The following MPPED2 variants were observed in gnomAD, a reference collection of about 807,000 sequenced individuals.
MPPED2 encodes metallophosphoesterase domain containing 2.
In MPPED2, 5 loss-of-function variants were observed where a neutral mutation model predicts 33.0. The ratio of observed to expected loss-of-function variants is 0.15; its 90% CI spans 0.08 to 0.32. The LOEUF is 0.32. MPPED2 is among the 10% of genes least tolerant of loss of function. The probability of loss-of-function intolerance (pLI) is 1.00; values close to 1 mark genes in which losing one functional copy is unlikely to be tolerated. For synonymous variants in MPPED2, 136 were observed against 141.9 expected, an observed-to-expected ratio of 0.96 and a Z score of 0.29; for missense variants, 275 against 372.1, an observed-to-expected ratio of 0.74 and a Z score of 2.15.
chr11:30,533,286 G>T (rs2134462454), intron 3 of MPPED2, among the ~76,000 whole-genome samples: 1 of 152,258 alleles, frequency 6.6e-6, no homozygotes. Flanking sequence ...GGTATAGAGG[G>T]AGTGCCTGGC....
chr11:30,426,871 C>T (rs982213375), intron 4 of MPPED2, among the ~76,000 whole-genome samples: 11 of 152,116 alleles, frequency 7.2e-5, no homozygotes, highest in Admixed American at 1.3e-4. Flanking sequence ...GAGGTCCTTC[C>T]GTTTCCTCCT....
In MPPED2 at chr11:30,535,910, G is replaced by C. The variant is rs1954784190; in HGVS notation, c.310+84C>G. The C allele has an allele frequency of 1.3e-5, 16 of 1,199,012 alleles. 1 individual carries two copies. The South Asian group carries it at 2.7e-4, about 20-fold the overall frequency. 74.3% of individuals were successfully genotyped at this position (1,199,012 alleles called of 1,614,324 possible). The stretch of plus-strand genomic sequence containing the variant: ...GAGAAATGGCTGAGCTGGCTTCCAA[G>C]TGCTCTAATTCAATTAGGACGCAGT... On this transcript the variant is annotated intron_variant, in intron 3 of 6. Coordinates refer to ENST00000358117, the MANE Select transcript of MPPED2 (RefSeq NM_001584.3).
At chr11:30,545,955 G>A in intron 2 of MPPED2, among the ~76,000 whole-genome samples, 1 of 152,122 alleles carries the variant, frequency 6.6e-6, no homozygotes, top group Admixed American at 6.5e-5. Flanking sequence ...CACCTCCCAG[G>A]TTCAAGCTAT....
chr11:30,557,225 A>AATATATATATT (rs1005444578), intron 2 of MPPED2, among the ~76,000 whole-genome samples: 1 of 141,702 alleles, frequency 7.1e-6, no homozygotes, highest in African/African-American at 3.1e-5. Context: ...ATATATATAT[A>AATATATATATT]ATATATATAT....
At chr11:30,545,253 A>G (rs1348542354) in intron 2 of MPPED2, among the ~76,000 whole-genome samples, 1 of 152,180 alleles carries the variant, frequency 6.6e-6, no homozygotes, top group African/African-American at 2.4e-5. Context: ...ATTCTTGAGG[A>G]AAGGTTGGTT....
In MPPED2 at chr11:30,411,483, G is replaced by A. The variant is rs1948098749; in HGVS notation, c.870C>T (p.Asn290=). The change falls in exon 7 of 7, where the codon AAC becomes AAT. Residue 290 remains asparagine (N), a synonymous_variant. Transcript: ENST00000358117. ...ATTTAGAGCTTCAGGAACCCTGTGG[G>A]TTTGGAAGGTCAAATATAATTGGAG... ...TNPPIIFDLP[N]PQGS 1.2e-6 allele frequency: 2 copies of A among 1,613,586 alleles called. No homozygotes were observed. The highest frequency in any genetic ancestry group is 1.7e-6 in the Non-Finnish European group (2 of 1,179,580).
rs1255679986 is a variant in MPPED2 at position 30,521,848 on chromosome 11, T to A, written c.310+14146A>T. On this transcript the variant is annotated intron_variant, in intron 3 of 6. Coordinates refer to ENST00000358117, the MANE Select transcript of MPPED2 (RefSeq NM_001584.3). ...ATAGATACTGCCCCTTGGAGCTCTG[T>A]GACCCAGAGCATGGTGACCTCTCTG... 2.0e-5 allele frequency among the ~76,000 whole-genome samples: 3 copies of A among 152,190 alleles called. No homozygotes were observed. The East Asian group carries it at 5.8e-4, about 29-fold the overall frequency.
chr11:30,539,319 A>G (rs1332526792), intron 2 of MPPED2, among the ~76,000 whole-genome samples: 2 of 152,158 alleles, frequency 1.3e-5, no homozygotes, highest in African/African-American at 4.8e-5. Flanking sequence ...ATGACCTAAC[A>G]TTTCCCCTAA....
intron 4 of MPPED2, among the ~76,000 whole-genome samples, chr11:30,433,460 G>A (rs1949174876): frequency 6.6e-6 from 1 of 152,140 alleles, no homozygotes; most frequent in South Asian, 2.1e-4. Flanking sequence ...GGTGAATGCT[G>A]TGATTAACCT....
chr11:30,420,390 G>T (rs1948558400), intron 4 of MPPED2, among the ~76,000 whole-genome samples: 1 of 152,220 alleles, frequency 6.6e-6, no homozygotes, highest in African/African-American at 2.4e-5. Flanking sequence ...ATGCAGCCCT[G>T]CTGACACCTG....
intron 2 of MPPED2, among the ~76,000 whole-genome samples, chr11:30,550,202 T>C (rs929402894): frequency 2.0e-5 from 3 of 152,104 alleles, no homozygotes; most frequent in South Asian, 2.1e-4. Context: ...GGGTGAATGG[T>C]AGCCTGAGAA....
At chr11:30,413,662 A>G (rs1214588813) in intron 6 of MPPED2, among the ~76,000 whole-genome samples, 1 of 152,200 alleles carries the variant, frequency 6.6e-6, no homozygotes, top group East Asian at 1.9e-4. Context: ...AGTCTGAAAT[A>G]GTTTTCTGAG....
At chr11:30,392,539 G>T (rs1947793415) in intron 6 of MPPED2, among the ~76,000 whole-genome samples, 1 of 152,186 alleles carries the variant, frequency 6.6e-6, no homozygotes, top group South Asian at 2.1e-4. Flanking sequence ...CTTCTCTCCG[G>T]AATTGCTTCT....
At chr11:30,520,278 T>G (rs1247871854) in intron 3 of MPPED2, among the ~76,000 whole-genome samples, 2 of 152,218 alleles carry the variant, frequency 1.3e-5, no homozygotes, top group Non-Finnish European at 2.9e-5. Flanking sequence ...CAATAACATC[T>G]ATGATAGATC....
At chr11:30,471,873 C>A (rs1210802118) in intron 4 of MPPED2, among the ~76,000 whole-genome samples, 1 of 152,096 alleles carries the variant, frequency 6.6e-6, no homozygotes, top group Non-Finnish European at 1.5e-5. Flanking sequence ...AACCATAACC[C>A]ATGGATTTTT....
At chr11:30,403,463 G>T (rs1947942246) in intron 6 of MPPED2, among the ~76,000 whole-genome samples, 1 of 152,148 alleles carries the variant, frequency 6.6e-6, no homozygotes, top group Admixed American at 6.5e-5. Flanking sequence ...TGTTCCTACA[G>T]AATTGATTTC....
chr11:30,469,487 C>T (rs1249374151), intron 4 of MPPED2, among the ~76,000 whole-genome samples: 1 of 152,136 alleles, frequency 6.6e-6, no homozygotes, highest in Non-Finnish European at 1.5e-5. Flanking sequence ...ATCTCAGAAT[C>T]GGAGATGTAG....
intron 4 of MPPED2, among the ~76,000 whole-genome samples, chr11:30,418,811 C>A (rs1006318692): frequency 3.3e-5 from 5 of 152,214 alleles, no homozygotes; most frequent in Middle Eastern, 3.2e-3. Flanking sequence ...TAATCAGATT[C>A]TTTCAAGAAT....
chr11:30,467,439 G>C (rs572519918), intron 4 of MPPED2, among the ~76,000 whole-genome samples: 1 of 152,170 alleles, frequency 6.6e-6, no homozygotes, highest in Non-Finnish European at 1.5e-5. Flanking sequence ...GCTTGGGAAG[G>C]GATCCCCAAG....
Sources: allele counts gnomAD v4.1 joint callset (sites outside exome capture counted in the v4.1 genomes callset), GRCh38; gene constraint gnomAD v4.1.1; transcripts MANE v1.5; gene names NCBI Gene and HGNC (gene_info 2026-07-23, HGNC 2026-07-21).